The following SMARCC1 variants were observed in gnomAD, a reference collection of about 807,000 sequenced individuals.
SMARCC1 encodes the protein SWI/SNF related BAF chromatin remodeling complex subunit C1, also known as SWI/SNF complex subunit SMARCC1.
A neutral mutation model predicts 147.4 loss-of-function variants in SMARCC1; 43 were observed. That is an observed-to-expected ratio of 0.29 (90% confidence interval 0.23 to 0.38). The LOEUF is 0.38. Ranked by LOEUF, SMARCC1 falls within the 10% of genes least tolerant of loss-of-function variation. SMARCC1 has a pLI of 1.00. For synonymous variants in SMARCC1, 495 were observed against 484.4 expected, an observed-to-expected ratio of 1.02 and a Z score of -0.29; for missense variants, 1,119 against 1,381.1, an observed-to-expected ratio of 0.81 and a Z score of 3.01.
chr3:47,696,519 A>G (rs994090266), intron 11 of SMARCC1, among the ~76,000 whole-genome samples: 2 of 152,032 alleles, frequency 1.3e-5, no homozygotes, highest in Non-Finnish European at 2.9e-5. Flanking sequence ...ACAAGTGTGA[A>G]TAATTTTTTT....
rs549019718 is a variant in SMARCC1 at position 47,721,544 on chromosome 3, G to GCAAA, written c.647-813_647-810dup. ...GAAGTAAGCCCCCTTAAAGCCCACA[G>GCAAA]CAAACAAACAAACAAACAAACAAAC... On this transcript the variant is annotated intron_variant, in intron 6 of 27. Transcript: ENST00000254480. 7.8e-4 allele frequency among the ~76,000 whole-genome samples: 118 copies of GCAAA among 152,120 alleles called. 1 individual carries two copies. Among genetic ancestry groups the GCAAA allele is most frequent in the Admixed American group, 3.6e-3 (55 of 15,262 alleles).
At chr3:47,664,496 T>A (rs903537976) in intron 19 of SMARCC1, among the ~76,000 whole-genome samples, 2 of 152,148 alleles carry the variant, frequency 1.3e-5, no homozygotes, top group Non-Finnish European at 2.9e-5. Flanking sequence ...AATTTATTAT[T>A]TTTTCAGAGA....
rs368395269 is a variant in SMARCC1 at position 47,676,712 on chromosome 3, T to C, written c.1642A>G (p.Met548Val). Residue 548 changes from methionine (M) to valine (V), a missense_variant, in exon 17 of 28, where the codon ATG becomes GTG. Around this residue, in one of 6 missense-constraint regions of SMARCC1, gnomAD observed 178 missense variants for 264.6 expected, o/e 0.67. Coordinates refer to ENST00000254480, the MANE Select transcript of SMARCC1 (RefSeq NM_003074.4). ...AAATGAGGAGTAGGAGGAGGTCCCATTGCCATGGGTCTACTTTCCGGGTCA... is the reference window on the plus strand; with the variant it reads ...AAATGAGGAGTAGGAGGAGGTCCCACTGCCATGGGTCTACTTTCCGGGTCA... ...QVDPESRPMA[M>V]GPPPTPHFNV... 3 of 1,613,610 alleles carry C rather than the reference T, an allele frequency of 1.9e-6. No homozygotes were observed. The highest frequency in any genetic ancestry group is 2.7e-5 in the African/African-American group (2 of 74,920).
rs1481920976 is a variant in SMARCC1 at position 47,701,448 on chromosome 3, T to C, written c.1041-46A>G. ...AAATATAAACAAGACTGATTATAGC[T>C]ACTGATAGCAAACAGTTTCTGAGGT... is the stretch of plus-strand genomic sequence containing the variant. On this transcript the variant is annotated intron_variant, in intron 10 of 27. Coordinates refer to ENST00000254480, the MANE Select transcript of SMARCC1 (RefSeq NM_003074.4). The C allele has an allele frequency of 3.2e-6, 5 of 1,565,404 alleles. 1 individual carries two copies. Among genetic ancestry groups the C allele is most frequent in the Non-Finnish European group, 8.8e-7 (1 of 1,138,454 alleles).
chr3:47,759,219 TC>T (rs1208673872), intron 2 of SMARCC1, among the ~76,000 whole-genome samples: 5 of 151,456 alleles, frequency 3.3e-5, no homozygotes, highest in Non-Finnish European at 7.4e-5. Context: ...TGCCATGTTG[TC>T]CAGGCTGGTC....
rs759439322 is a variant in SMARCC1 at position 47,590,650 on chromosome 3, A to G, written c.3220+11T>C. ...CCCTGAGATAATGCATCCCCCCTCC[A>G]TGTTACTTACACATGCCGTTAGGTG... On this transcript the variant is annotated intron_variant, in intron 27 of 27. Coordinates refer to ENST00000254480, the MANE Select transcript of SMARCC1 (RefSeq NM_003074.4). 58 of 1,502,660 alleles carry G rather than the reference A, an allele frequency of 3.9e-5. No individual in the cohort carries two copies. Among genetic ancestry groups the G allele is most frequent in the Non-Finnish European group, 5.0e-5 (57 of 1,130,994 alleles). The allele number at this position is 1,502,660 out of a possible 1,614,324, so 93.1% of individuals were successfully genotyped here.
chr3:47,673,713 C>A (rs1465004756), intron 18 of SMARCC1, among the ~76,000 whole-genome samples: 1 of 152,120 alleles, frequency 6.6e-6, no homozygotes, highest in Non-Finnish European at 1.5e-5. Context: ...TTTTGTATTT[C>A]TGGAGGTATG....
chr3:47,744,235 G>A lies in SMARCC1; in HGVS notation c.401+1673C>T, dbSNP rs561218637. 2.0e-3 allele frequency among the ~76,000 whole-genome samples: 299 copies of A among 152,152 alleles called. 3 individuals are homozygous for A. The highest frequency in any genetic ancestry group is 6.7e-3 in the African/African-American group (276 of 41,502). Reference sequence around the variant, plus strand: ...CAGCTCACTGCAACCTCCGTCTCCCGGGTTCAAGCAATTCTCCTGTCTCAG... The same window carrying A: ...CAGCTCACTGCAACCTCCGTCTCCCAGGTTCAAGCAATTCTCCTGTCTCAG... On this transcript the variant is annotated intron_variant, in intron 3 of 27. Coordinates refer to ENST00000254480, the MANE Select transcript of SMARCC1 (RefSeq NM_003074.4).
rs201325257 is a variant in SMARCC1 at position 47,728,499 on chromosome 3, T to G, written c.646+526A>C. On this transcript the variant is annotated intron_variant, in intron 6 of 27. Coordinates refer to ENST00000254480, the MANE Select transcript of SMARCC1 (RefSeq NM_003074.4). ...CTTTTTCGTTAGGTTTAATTTGGTG[T>G]TGTTTTTCTAATTTCTTGAGAAAGA... is the stretch of plus-strand genomic sequence containing the variant. 5.9e-5 allele frequency among the ~76,000 whole-genome samples: 9 copies of G among 152,304 alleles called. No homozygotes were observed. In the East Asian group the frequency reaches 1.7e-3, roughly 29 times the overall value.
chr3:47,765,112 G>A (rs374675107), intron 2 of SMARCC1, among the ~76,000 whole-genome samples: 5 of 152,172 alleles, frequency 3.3e-5, no homozygotes, highest in Admixed American at 6.6e-5. Context: ...TTAGCCGGGC[G>A]TGGTGGCGCA....
chr3:47,605,837 A>G (rs1010445497), intron 26 of SMARCC1, among the ~76,000 whole-genome samples: 1 of 152,180 alleles, frequency 6.6e-6, no homozygotes, highest in Non-Finnish European at 1.5e-5. Flanking sequence ...TTACATTTAG[A>G]TAACATTCAA....
At chr3:47,727,121 G>A (rs2034308960) in intron 6 of SMARCC1, among the ~76,000 whole-genome samples, 1 of 152,136 alleles carries the variant, frequency 6.6e-6, no homozygotes, top group South Asian at 2.1e-4. Flanking sequence ...GCTGAGGCAG[G>A]AGAATCGCTT....
At chr3:47,739,871 T>G (rs919505680) in intron 3 of SMARCC1, among the ~76,000 whole-genome samples, 1 of 152,084 alleles carries the variant, frequency 6.6e-6, no homozygotes, top group East Asian at 1.9e-4. Context: ...GCTAAGCCTA[T>G]CTTCTTTCAT....
intron 11 of SMARCC1, among the ~76,000 whole-genome samples, chr3:47,694,555 G>A (rs1404076854): frequency 2.0e-5 from 3 of 152,104 alleles, no homozygotes; most frequent in Non-Finnish European, 4.4e-5. Flanking sequence ...AGCTGAGATC[G>A]CACCACTGCA....
chr3:47,675,352 AG>A, intron 18 of SMARCC1, 122 bp downstream of exon 18: 2 of 540,266 alleles, frequency 3.7e-6, no homozygotes, highest in Non-Finnish European at 6.7e-6. Flanking sequence ...GGAATATAAA[AG>A]GTAAGATAAA....
intron 11 of SMARCC1, among the ~76,000 whole-genome samples, chr3:47,701,057 A>C (rs1316899931): frequency 2.6e-5 from 4 of 152,192 alleles, no homozygotes; most frequent in African/African-American, 9.7e-5. Flanking sequence ...AAACATTACT[A>C]AATTAAAGAT....
At chr3:47,746,025 AT>A in intron 2 of SMARCC1, 32 bp from the exon 3 acceptor site, 1 of 1,408,340 alleles carries the variant, frequency 7.1e-7, no homozygotes, top group African/African-American at 1.5e-5. Flanking sequence ...CATGAGAAAA[AT>A]AAAGCTTCTG....
chr3:47,697,188 G>A (rs2033864087), intron 11 of SMARCC1, among the ~76,000 whole-genome samples: 2 of 152,140 alleles, frequency 1.3e-5, no homozygotes, highest in African/African-American at 4.8e-5. Context: ...ATGTGGTGGT[G>A]AGCACCTGTA....
chr3:47,662,121 A>G lies in SMARCC1; in HGVS notation c.2158+213T>C, dbSNP rs554606710. On this transcript the variant is annotated intron_variant, in intron 20 of 27. Coordinates refer to ENST00000254480, the MANE Select transcript of SMARCC1 (RefSeq NM_003074.4). ...GCGATTCTCCTGCCTCAGCCTCCCA[A>G]GTAGCTGGGACTATAGGCATGTGCC... Among the ~76,000 whole-genome samples, 30 of 152,240 alleles carry G rather than the reference A, an allele frequency of 2.0e-4. No homozygotes were observed. In the East Asian group the frequency reaches 5.0e-3, roughly 25 times the overall value.
Sources: allele counts gnomAD v4.1 joint callset (sites outside exome capture counted in the v4.1 genomes callset), GRCh38; gene constraint gnomAD v4.1.1; regional missense constraint gnomAD v4.1.1; transcripts MANE v1.5; gene names NCBI Gene and HGNC (gene_info 2026-07-23, HGNC 2026-07-21).